The following NOL7 variants were observed in gnomAD, a reference collection of about 807,000 sequenced individuals.
NOL7 encodes the protein nucleolar protein 7.
A neutral mutation model predicts 38.4 loss-of-function variants in NOL7; 36 were observed. The observed-to-expected ratio is 0.94, with a 90% CI of 0.72 to 1.24. NOL7 has a LOEUF of 1.24. NOL7 is among the 50% of genes most tolerant of loss of function. The pLI is 0.00. For missense variants in NOL7, 350 were observed against 315.1 expected (o/e 1.11, Z -0.84); for synonymous variants, 142 against 126.5 (o/e 1.12, Z -0.82).
At chr6:13,615,964 A>G (rs1368152180) in intron 2 of NOL7, among the ~76,000 whole-genome samples, 192 bp downstream of exon 2, 1 of 151,048 alleles carries the variant, frequency 6.6e-6, no homozygotes, top group African/African-American at 2.4e-5. Flanking sequence ...GGAGCCCGGG[A>G]TGTCGAGGCT....
In NOL7 at chr6:13,620,222, A is replaced by G; in HGVS notation, c.515A>G (p.Tyr172Cys). The change falls in exon 6 of 8, where the codon TAC (tyrosine) becomes TGC (cysteine). Residue 172 changes from tyrosine (Y) to cysteine (C), a missense_variant. Coordinates refer to ENST00000451315, the MANE Select transcript of NOL7 (RefSeq NM_016167.5). Reference protein sequence around the residue: ...KVQSVSQNKSYLAVRLKDQDL... With the variant: ...KVQSVSQNKSCLAVRLKDQDL... ...TTGATCAACAGCCAGAATAAAAGCT[A>G]CTTGGCCGTAAGGCTAAAAGACCAA... The G allele has an allele frequency of 1.9e-6, 3 of 1,612,878 alleles. No homozygotes were observed. Among genetic ancestry groups the G allele is most frequent in the Middle Eastern group, 1.7e-4 (1 of 6,052 alleles).
downstream of NOL7, among the ~76,000 whole-genome samples, chr6:13,624,632 A>G (rs1764548917): frequency 6.6e-6 from 1 of 152,242 alleles, no homozygotes; most frequent in Non-Finnish European, 1.5e-5. Flanking sequence ...AATTCATATA[A>G]AAAGTACTTG....
intron 1 of NOL7, 24 bp downstream of exon 1, chr6:13,615,648 G>C (rs1436845590): frequency 1.9e-5 from 30 of 1,611,742 alleles, no homozygotes; most frequent in Non-Finnish European, 2.5e-5. Flanking sequence ...TGCCCGGCGG[G>C]GAGAACCGCC....
chr6:13,626,229 T>G (rs1273069777), downstream of NOL7, among the ~76,000 whole-genome samples: 1 of 152,250 alleles, frequency 6.6e-6, no homozygotes, highest in African/African-American at 2.4e-5. Flanking sequence ...ATGAAAAAAT[T>G]AAACAGGCTG....
At chr6:13,629,922 G>T (rs199921308) in intron 8 of NOL7, among the ~76,000 whole-genome samples, 824 of 31,038 alleles carry the variant, frequency 0.027, 6 homozygotes, top group African/African-American at 0.093. Context: ...TCTCTCTCTC[G>T]TGTGTGTGTG....
intron 8 of NOL7, chr6:13,632,326 T>A: frequency 1.3e-6 from 2 of 1,576,474 alleles, no homozygotes; most frequent in Middle Eastern, 1.7e-4. Flanking sequence ...TACATTTTAG[T>A]TCCTCTGACA....
intron 5 of NOL7, 48 bp downstream of exon 5, chr6:13,618,187 G>A: frequency 4.2e-6 from 3 of 722,678 alleles, no homozygotes; most frequent in Non-Finnish European, 6.7e-6. Context: ...ACCTTTAAGA[G>A]AGTTAAAGTA....
chr6:13,629,187 T>G (rs1764707437), intron 8 of NOL7, among the ~76,000 whole-genome samples: 3 of 152,200 alleles, frequency 2.0e-5, no homozygotes, highest in Non-Finnish European at 4.4e-5. Flanking sequence ...CACAGCTCAC[T>G]GCAGCCTCGA....
At chr6:13,615,795 T>G (rs1584897451) in intron 2 of NOL7, 23 bp downstream of exon 2, 1 of 1,599,310 alleles carries the variant, frequency 6.3e-7, no homozygotes, top group Non-Finnish European at 8.5e-7. Context: ...GGAGGAGGTG[T>G]CTTATTAAAA....
downstream of NOL7, chr6:13,622,440 G>T: frequency 6.2e-7 from 1 of 1,603,312 alleles, no homozygotes; most frequent in Non-Finnish European, 8.5e-7. Flanking sequence ...GACATTGTGT[G>T]GCCTGTCCCA....
chr6:13,618,765 C>T (rs964074935), intron 5 of NOL7, among the ~76,000 whole-genome samples: 3 of 152,144 alleles, frequency 2.0e-5, no homozygotes, highest in African/African-American at 7.2e-5. Flanking sequence ...CTGGTGTGCA[C>T]CTGTATTCCC....
chr6:13,616,312 C>G, intron 2 of NOL7, 151 bp from the exon 3 acceptor site: 1 of 535,252 alleles, frequency 1.9e-6, no homozygotes. Flanking sequence ...ACCCGGTCTT[C>G]CCATAGCTTA....
rs369994831 is a variant in NOL7 at position 13,615,635 on chromosome 6, C to T, written c.266+11C>T. 2.7e-5 allele frequency: 43 copies of T among 1,607,652 alleles called. No individual in the cohort carries two copies. The highest frequency in any genetic ancestry group is 3.7e-5 in the Non-Finnish European group (43 of 1,176,580). On this transcript the variant is annotated intron_variant, in intron 1 of 7. Transcript: ENST00000451315. Reference sequence around the variant, plus strand: ...GGAGACCGTGCGCAGGTTCGGAGCCCGCTGCCCGGCGGGGAGAACCGCCCT... The same window carrying T: ...GGAGACCGTGCGCAGGTTCGGAGCCTGCTGCCCGGCGGGGAGAACCGCCCT...
downstream of NOL7, among the ~76,000 whole-genome samples, chr6:13,624,606 A>G (rs1764548333): frequency 6.6e-6 from 1 of 152,224 alleles, no homozygotes; most frequent in African/African-American, 2.4e-5. Context: ...GAAATGCACA[A>G]TATGTGCAGT....
At chr6:13,621,905 T>C (rs1388531651), downstream of NOL7, 2 of 152,862 alleles carry the variant, frequency 1.3e-5, no homozygotes, top group Admixed American at 1.3e-4. Flanking sequence ...AACTGTCGGA[T>C]GTTTATGCAT....
chr6:13,628,342 A>C (rs1764682222), intron 8 of NOL7, among the ~76,000 whole-genome samples: 1 of 152,242 alleles, frequency 6.6e-6, no homozygotes, highest in South Asian at 2.1e-4. Flanking sequence ...GCTTACATGT[A>C]AATAAATAAC....
In NOL7 at chr6:13,615,608, C is replaced by T; in HGVS notation, c.250C>T (p.Arg84Trp). 2 of 1,592,946 alleles carry T rather than the reference C, an allele frequency of 1.3e-6. No homozygotes were observed. Among genetic ancestry groups the T allele is most frequent in the African/African-American group, 1.3e-5 (1 of 74,690 alleles). Reference sequence around the variant, plus strand: ...AGCGAGAGAAGAGGAGCGGCGAGTGCGGGAGACCGTGCGCAGGTTCGGAGC... The same window carrying T: ...AGCGAGAGAAGAGGAGCGGCGAGTGTGGGAGACCGTGCGCAGGTTCGGAGC... ...AEAREEERRV[R>W]ETVRRDKTLL... Residue 84 changes from arginine to tryptophan, a missense_variant, in exon 1 of 8, where the codon CGG becomes TGG. Arg to Trp is a moderately radical substitution (Grantham distance 101). Transcript: ENST00000451315.
At position 13,618,083 on chromosome 6, in the gene NOL7, C is replaced by T. The variant is rs1562290403; in HGVS notation, c.444C>T (p.Asp148=). The T allele has an allele frequency of 3.2e-6, 5 of 1,570,716 alleles. No homozygotes were observed. The highest frequency in any genetic ancestry group is 1.4e-5 in the African/African-American group (1 of 73,634). Residue 148 remains aspartate, a synonymous_variant, in exon 5 of 8, where the codon GAC becomes GAT. Transcript: ENST00000451315. ...TTAATTTGCAAAAGAAAAATGAAGA[C>T]TGTGAAAAAGGAAATGACTCCAAGA... The part of the protein sequence containing the change: ...KEVNLQKKNE[D]CEKGNDSKKV...
At chr6:13,631,054 C>T (rs1562296718) in intron 8 of NOL7, among the ~76,000 whole-genome samples, 8 of 152,094 alleles carry the variant, frequency 5.3e-5, no homozygotes, top group Middle Eastern at 3.2e-3. Flanking sequence ...ATGATCCGCC[C>T]GCCTCAGCCT....
Sources: allele counts gnomAD v4.1 joint callset (sites outside exome capture counted in the v4.1 genomes callset), GRCh38; gene constraint gnomAD v4.1.1; transcripts MANE v1.5; gene names NCBI Gene and HGNC (gene_info 2026-07-23, HGNC 2026-07-21).